The following RHCE variants were observed in gnomAD, a reference collection of about 807,000 sequenced individuals.
RHCE encodes Rh blood group CcEe antigens, also known as blood group Rh(CE) polypeptide.
RHCE carries 22 observed loss-of-function variants against 43.8 expected under a neutral mutation model. That is an observed-to-expected ratio of 0.50 (90% CI 0.36 to 0.72). The LOEUF (loss-of-function observed/expected upper bound fraction) is 0.72, where lower values mean the gene tolerates loss of function less well. RHCE is among the 30% of genes least tolerant of loss of function. The pLI, the probability that RHCE is intolerant of heterozygous loss-of-function variation, is 0.00. For missense variants in RHCE, 385 were observed against 525.4 expected (o/e 0.73, Z 2.61); for synonymous variants, 156 against 210.7 (o/e 0.74, Z 2.25).
chr1:25,412,715 TAA>T (rs1165784820), intron 1 of RHCE, among the ~76,000 whole-genome samples: 75 of 116,580 alleles, frequency 6.4e-4, no homozygotes, highest in African/African-American at 1.8e-3. Flanking sequence ...ACCCTTTTTT[TAA>T]AAAAAAAAAA....
intron 5 of RHCE, among the ~76,000 whole-genome samples, chr1:25,390,324 G>A (rs1444618162): frequency 6.6e-6 from 1 of 152,130 alleles, no homozygotes; most frequent in Non-Finnish European, 1.5e-5. Flanking sequence ...CTTGACCAGA[G>A]CCACATGGCT....
At chr1:25,411,596 T>C in intron 1 of RHCE, 1 of 731,828 alleles carries the variant, frequency 1.4e-6, no homozygotes. Context: ...GGGTGAGAAG[T>C]GGGCATTAGG....
chr1:25,380,707 A>T (rs996487654), intron 7 of RHCE, among the ~76,000 whole-genome samples: 1 of 152,080 alleles, frequency 6.6e-6, no homozygotes, highest in Non-Finnish European at 1.5e-5. Context: ...TGCACCAGAA[A>T]TGTGGGGAGC....
At chr1:25,392,562 CTTTTTTTTTTT>C (rs1211993147) in intron 3 of RHCE, among the ~76,000 whole-genome samples, 1 of 66,420 alleles carries the variant, frequency 1.5e-5, no homozygotes, top group African/African-American at 5.4e-5. Context: ...TGCCCGGCCT[CTTTTTTTTTTT>C]TTTTTTTTTT....
At chr1:25,420,282 C>A (rs1296734905) in intron 1 of RHCE, among the ~76,000 whole-genome samples, 1 of 151,998 alleles carries the variant, frequency 6.6e-6, no homozygotes, top group East Asian at 1.9e-4. Flanking sequence ...ACTTGTATCC[C>A]CTAAATCTAT....
intron 2 of RHCE, among the ~76,000 whole-genome samples, chr1:25,428,744 G>A (rs892054288): frequency 1.1e-4 from 17 of 152,178 alleles, no homozygotes; most frequent in Admixed American, 9.2e-4. Flanking sequence ...GAAAAAGCAA[G>A]TACTTTGGCC....
intron 2 of RHCE, among the ~76,000 whole-genome samples, chr1:25,407,001 A>G (rs1646943228): frequency 8.3e-6 from 1 of 119,942 alleles, no homozygotes; most frequent in Non-Finnish European, 1.9e-5. Flanking sequence ...TGGCTCACTC[A>G]GCCTCAGCCT....
intron 3 of RHCE, among the ~76,000 whole-genome samples, chr1:25,393,977 T>C (rs1646461359): frequency 6.6e-6 from 1 of 152,084 alleles, no homozygotes; most frequent in African/African-American, 2.4e-5. Context: ...CTGTCTGCTT[T>C]TTATTTTTAT....
chr1:25,395,837 T>C (rs1274931837), intron 3 of RHCE, among the ~76,000 whole-genome samples: 1 of 152,080 alleles, frequency 6.6e-6, no homozygotes. Context: ...TTGGCAATTA[T>C]TATAGTACTA....
chr1:25,385,234 C>T (rs1453010404), intron 7 of RHCE, among the ~76,000 whole-genome samples: 2 of 152,208 alleles, frequency 1.3e-5, no homozygotes, highest in African/African-American at 4.8e-5. Flanking sequence ...CTTAGCATGT[C>T]CCTGCATTAG....
At chr1:25,422,466 C>A (rs576364601), upstream of RHCE, among the ~76,000 whole-genome samples, 3 of 152,328 alleles carry the variant, frequency 2.0e-5, no homozygotes, top group African/African-American at 7.2e-5. Context: ...TTGCTTTATA[C>A]ATTTTCAGAG....
At chr1:25,405,557 G>A (rs1223872828) in intron 2 of RHCE, among the ~76,000 whole-genome samples, 1 of 151,412 alleles carries the variant, frequency 6.6e-6, no homozygotes, top group Non-Finnish European at 1.5e-5. Context: ...AGGAGGCTGA[G>A]GTGGGAGGAT....
At chr1:25,412,729 A>G (rs1186999326) in intron 1 of RHCE, among the ~76,000 whole-genome samples, 1 of 150,202 alleles carries the variant, frequency 6.7e-6, no homozygotes, top group East Asian at 1.9e-4. Flanking sequence ...AAAAAAAAAA[A>G]AAAAAAAAAA....
chr1:25,416,604 C>T (rs1220490070), intron 1 of RHCE, among the ~76,000 whole-genome samples: 2 of 151,790 alleles, frequency 1.3e-5, no homozygotes, highest in African/African-American at 2.4e-5. Flanking sequence ...ATTACAGTCT[C>T]GCTTCACCTC....
intron 1 of RHCE, among the ~76,000 whole-genome samples, chr1:25,415,069 C>T (rs1433748296): frequency 6.6e-6 from 1 of 152,132 alleles, no homozygotes; most frequent in African/African-American, 2.4e-5. Context: ...CCTGTCCCTC[C>T]CCTTCTGTCT....
chr1:25,373,462 T>C (rs1014469940), intron 8 of RHCE, among the ~76,000 whole-genome samples: 3 of 151,816 alleles, frequency 2.0e-5, no homozygotes, highest in African/African-American at 7.3e-5. Context: ...GAATTAACTC[T>C]ACTCCGCCTC....
intron 3 of RHCE, among the ~76,000 whole-genome samples, chr1:25,402,036 G>A (rs1011380217): frequency 5.3e-5 from 8 of 150,444 alleles, no homozygotes; most frequent in Non-Finnish European, 8.8e-5. Flanking sequence ...GCCACCATGC[G>A]CAGCTAAATT....
chr1:25,369,322 C>T (rs1352878604), intron 9 of RHCE, among the ~76,000 whole-genome samples: 1 of 151,624 alleles, frequency 6.6e-6, no homozygotes, highest in African/African-American at 2.4e-5. Context: ...CTTGGATCTG[C>T]CACTCACAAA....
chr1:25,385,699 C>T lies in RHCE; in HGVS notation c.1073+12G>A, dbSNP rs745485833. 3 of 1,613,734 alleles carry T rather than the reference C, an allele frequency of 1.9e-6. No homozygotes were observed. The highest frequency in any genetic ancestry group is 3.3e-5 in the Admixed American group (2 of 59,968). ...AGTGTTAAGGGGATGGGGGGTAAGC[C>T]CAGTGACCCACATGCCATTGCCGTT... On this transcript the variant is annotated intron_variant, in intron 7 of 9. Coordinates refer to ENST00000294413, the MANE Select transcript of RHCE (RefSeq NM_020485.8).
Sources: gnomAD v4.1 joint callset for allele counts (sites outside exome capture counted in the v4.1 genomes callset) on GRCh38, gnomAD v4.1.1 for gene constraint, MANE v1.5 for transcripts, NCBI Gene and HGNC (gene_info 2026-07-23, HGNC 2026-07-21) for gene names.